The following RAI14 variants were observed in gnomAD, a reference collection of about 807,000 sequenced individuals.
RAI14 encodes retinoic acid induced 14.
RAI14 carries 45 observed loss-of-function variants against 115.4 expected under a neutral mutation model. The observed-to-expected ratio is 0.39, with a 90% confidence interval of 0.31 to 0.50. RAI14 has a LOEUF of 0.50. Ranked by LOEUF, RAI14 falls within the 20% of genes least tolerant of loss-of-function variation. The probability of loss-of-function intolerance (pLI) is 0.85; values close to 1 mark genes in which losing one functional copy is unlikely to be tolerated. For synonymous variants in RAI14, 371 were observed against 415.4 expected, an observed-to-expected ratio of 0.89 and a Z score of 1.30; for missense variants, 939 against 1,131.2, an observed-to-expected ratio of 0.83 and a Z score of 2.44.
intron 3 of RAI14, among the ~76,000 whole-genome samples, chr5:34,783,869 G>A (rs1044798888): frequency 7.2e-5 from 11 of 152,190 alleles, no homozygotes; most frequent in African/African-American, 4.8e-5. Flanking sequence ...GCCCATCACC[G>A]CAAAACACTG....
chr5:34,829,540 C>G (rs1757810979), intron 16 of RAI14, among the ~76,000 whole-genome samples, 192 bp from the exon 17 acceptor site: 1 of 152,038 alleles, frequency 6.6e-6, no homozygotes, highest in African/African-American at 2.4e-5. Flanking sequence ...ACTTTTTTCC[C>G]TAAGATGATT....
At chr5:34,682,297 A>G (rs1258724856) in intron 1 of RAI14, among the ~76,000 whole-genome samples, 1 of 152,068 alleles carries the variant, frequency 6.6e-6, no homozygotes, top group African/African-American at 2.4e-5. Flanking sequence ...GGTTTTTAGT[A>G]TGTTCACAGG....
chr5:34,734,013 G>A (rs188173916), intron 2 of RAI14, among the ~76,000 whole-genome samples: 18 of 152,142 alleles, frequency 1.2e-4, no homozygotes, highest in African/African-American at 3.4e-4. Context: ...CTCCCAGCTG[G>A]GGGTACATAG....
intron 2 of RAI14, among the ~76,000 whole-genome samples, chr5:34,731,903 A>G (rs1744231523): frequency 6.6e-6 from 1 of 152,222 alleles, no homozygotes; most frequent in Non-Finnish European, 1.5e-5. Context: ...TGATGCGGCC[A>G]GGGGGCCATG....
chr5:34,787,484 C>T (rs1334771194), intron 3 of RAI14, among the ~76,000 whole-genome samples: 2 of 152,122 alleles, frequency 1.3e-5, no homozygotes, highest in African/African-American at 4.8e-5. Flanking sequence ...AAGCCAGACA[C>T]AAAGGAGCAT....
intron 2 of RAI14, among the ~76,000 whole-genome samples, chr5:34,700,459 A>G (rs1046439276): frequency 6.6e-6 from 1 of 152,216 alleles, no homozygotes; most frequent in Non-Finnish European, 1.5e-5. Context: ...ACAGTAGGAC[A>G]TGTGGGATAC....
chr5:34,726,858 C>A (rs138163271), intron 2 of RAI14, among the ~76,000 whole-genome samples: 25 of 152,286 alleles, frequency 1.6e-4, no homozygotes. Flanking sequence ...ATTCATTAAA[C>A]CTCTTTCCTT....
chr5:34,674,737 G>A (rs959012532), intron 1 of RAI14, among the ~76,000 whole-genome samples: 24 of 151,752 alleles, frequency 1.6e-4, no homozygotes, highest in African/African-American at 5.6e-4. Context: ...ACAGGCATCC[G>A]CTACCATGCC....
Position 34,757,438 on chromosome 5 carries a change from A to G in RAI14, c.37-30A>G, listed in dbSNP as rs138842414. The G allele has an allele frequency of 8.5e-4, 1,375 of 1,610,806 alleles. 1 individual carries two copies. The highest frequency in any genetic ancestry group is 1.1e-3 in the Non-Finnish European group (1,275 of 1,178,444). On this transcript the variant is annotated intron_variant, in intron 2 of 17. Coordinates refer to ENST00000265109, the MANE Select transcript of RAI14 (RefSeq NM_015577.3). ...AGTGCGGCTGTGGCCAGTGTTGTTC[A>G]TGACCTCTGTTTCTTCTCTTTCTCT...
At chr5:34,691,578 T>A (rs1020004921) in intron 2 of RAI14, among the ~76,000 whole-genome samples, 2 of 152,204 alleles carry the variant, frequency 1.3e-5, no homozygotes, top group Admixed American at 6.5e-5. Flanking sequence ...TCTTTGTAGA[T>A]GCCAATTTTT....
At position 34,796,146 on chromosome 5, in the gene RAI14, G is replaced by A. The variant is rs916956953; in HGVS notation, c.256+119G>A. 6 of 769,136 alleles carry A rather than the reference G, an allele frequency of 7.8e-6. No individual in the cohort carries two copies. In the African/African-American group the frequency reaches 1.0e-4, roughly 13 times the overall value. 47.6% of individuals were successfully genotyped at this position (769,136 alleles called of 1,614,324 possible). A position where few individuals can be genotyped will look rare whatever the true frequency, so the allele number is the denominator to read the frequency against. ...TGTGGTAACTCATCCTGTAATTACA[G>A]CACTCTGCGAGGGTGAGGTGTGTGG... is the stretch of plus-strand genomic sequence containing the variant. On this transcript the variant is annotated intron_variant, in intron 4 of 17. Coordinates refer to ENST00000265109, the MANE Select transcript of RAI14 (RefSeq NM_015577.3).
intron 2 of RAI14, among the ~76,000 whole-genome samples, chr5:34,734,735 C>T (rs1019221063): frequency 6.6e-6 from 1 of 151,806 alleles, no homozygotes; most frequent in Non-Finnish European, 1.5e-5. Flanking sequence ...AATCTCGGCT[C>T]ACTGCAAGCT....
At chr5:34,801,613 C>G (rs1051570422) in intron 4 of RAI14, among the ~76,000 whole-genome samples, 23 of 152,120 alleles carry the variant, frequency 1.5e-4, no homozygotes, top group African/African-American at 5.6e-4. Context: ...TGGTGGCACG[C>G]ACCTGTAATC....
At chr5:34,816,139 T>C (rs933634093) in intron 12 of RAI14, among the ~76,000 whole-genome samples, 11 of 152,204 alleles carry the variant, frequency 7.2e-5, no homozygotes, top group Admixed American at 2.0e-4. Context: ...AAAGTTGTAA[T>C]TTAGATAGTA....
intron 1 of RAI14, among the ~76,000 whole-genome samples, chr5:34,660,969 C>T (rs965282017): frequency 8.5e-5 from 13 of 152,120 alleles, no homozygotes; most frequent in African/African-American, 3.1e-4. Context: ...TATGTTGAGA[C>T]ACCTCCTTCC....
chr5:34,803,414 G>T (rs1477314780), intron 4 of RAI14, among the ~76,000 whole-genome samples: 2 of 152,140 alleles, frequency 1.3e-5, no homozygotes, highest in African/African-American at 4.8e-5. Flanking sequence ...CAGGTGTGGT[G>T]TCATGCTATT....
chr5:34,721,979 G>C (rs1742815771), intron 2 of RAI14, among the ~76,000 whole-genome samples: 1 of 152,084 alleles, frequency 6.6e-6, no homozygotes, highest in Admixed American at 6.6e-5. Flanking sequence ...AGAGTGCTGG[G>C]ATTATTACAG....
intron 3 of RAI14, 86 bp from the exon 4 acceptor site, chr5:34,795,853 T>TGGCGGGG: frequency 1.2e-6 from 1 of 814,026 alleles, no homozygotes; most frequent in Non-Finnish European, 1.8e-6. Flanking sequence ...GTACATGAAA[T>TGGCGGGG]GGCGGGGGGC....
At chr5:34,670,813 T>G (rs1743559824) in intron 1 of RAI14, among the ~76,000 whole-genome samples, 1 of 152,210 alleles carries the variant, frequency 6.6e-6, no homozygotes, top group Non-Finnish European at 1.5e-5. Context: ...CAGATTGCAT[T>G]AACAAGGTCC....
Sources: allele counts gnomAD v4.1 joint callset (sites outside exome capture counted in the v4.1 genomes callset), GRCh38; gene constraint gnomAD v4.1.1; transcripts MANE v1.5; gene names NCBI Gene and HGNC (gene_info 2026-07-23, HGNC 2026-07-21).